Variants in RPH3A observed in about 807,000 individuals in gnomAD.
RPH3A encodes rabphilin 3A.
Under a neutral mutation model 102.2 loss-of-function variants are expected in RPH3A, and 48 were observed. The observed-to-expected ratio is 0.47, with a 90% CI of 0.37 to 0.60. RPH3A has a LOEUF of 0.60. Ranked by LOEUF, RPH3A falls within the 20% of genes least tolerant of loss-of-function variation. The probability of loss-of-function intolerance (pLI) is 0.00; values close to 1 mark genes in which losing one functional copy is unlikely to be tolerated. For synonymous variants in RPH3A, 310 were observed against 324.3 expected (o/e 0.96, Z 0.47); for missense variants, 781 against 910.1 (o/e 0.86, Z 1.83).
chr12:112,639,475 G>A (rs145883008), intron 1 of RPH3A, among the ~76,000 whole-genome samples: 2 of 152,118 alleles, frequency 1.3e-5, no homozygotes, highest in Non-Finnish European at 2.9e-5. Context: ...AAGGGATGGG[G>A]GTAACACTGG....
intron 1 of RPH3A, among the ~76,000 whole-genome samples, chr12:112,664,299 T>C (rs992617968): frequency 5.3e-5 from 8 of 151,920 alleles, no homozygotes; most frequent in Non-Finnish European, 8.8e-5. Context: ...GGAGTTAGGA[T>C]TATGTCATGA....
At chr12:112,789,055 G>C (rs1452633117), upstream of RPH3A, among the ~76,000 whole-genome samples, 1 of 152,182 alleles carries the variant, frequency 6.6e-6, no homozygotes, top group Non-Finnish European at 1.5e-5. Context: ...CTATTTGCAT[G>C]GTTGAGGCAT....
intron 1 of RPH3A, among the ~76,000 whole-genome samples, chr12:112,605,235 C>A (rs1445060946): frequency 1.3e-5 from 2 of 152,084 alleles, no homozygotes; most frequent in African/African-American, 4.8e-5. Context: ...ATTAGCCAGG[C>A]ATGGTGGCAC....
intron 1 of RPH3A, among the ~76,000 whole-genome samples, chr12:112,752,968 C>CTTTTTTTTTTTTTTTT (rs3037266): frequency 8.4e-6 from 1 of 118,934 alleles, no homozygotes; most frequent in Non-Finnish European, 1.7e-5. Flanking sequence ...GTCCAGTTTT[C>CTTTTTTTTTTTTTTTT]TTTTTTTTTT....
chr12:112,682,170 T>C (rs2040230537), intron 1 of RPH3A, among the ~76,000 whole-genome samples: 1 of 152,194 alleles, frequency 6.6e-6, no homozygotes, highest in Non-Finnish European at 1.5e-5. Context: ...GGATTTATTA[T>C]GGGAACTGGT....
chr12:112,896,840 C>T lies in RPH3A; in HGVS notation c.*60C>T. The T allele has an allele frequency of 6.3e-7, 1 of 1,595,488 alleles. No homozygotes were observed. Among genetic ancestry groups the T allele is most frequent in the Non-Finnish European group, 8.6e-7 (1 of 1,167,270 alleles). ...TCCCCCCCAGCCTGCTCTAGCTGCC[C>T]ACCGCACCCTGATCTCTCTTCTCTA... is the stretch of plus-strand genomic sequence containing the variant. On this transcript the variant is annotated 3_prime_UTR_variant, in exon 22 of 22. Transcript: ENST00000389385.
intron 1 of RPH3A, among the ~76,000 whole-genome samples, chr12:112,698,470 C>T (rs1346503291): frequency 1.3e-5 from 2 of 152,068 alleles, no homozygotes; most frequent in Non-Finnish European, 2.9e-5. Flanking sequence ...AAGCCACAGA[C>T]TTAAAGACTA....
chr12:112,875,028 C>T, intron 10 of RPH3A, 56 bp from the exon 11 acceptor site: 1 of 1,434,470 alleles, frequency 7.0e-7, no homozygotes, highest in Non-Finnish European at 9.6e-7. Context: ...AAGCTCCTTC[C>T]TGCTGTGTGT....
chr12:112,618,143 T>C (rs1012413461), intron 1 of RPH3A, among the ~76,000 whole-genome samples: 3 of 152,156 alleles, frequency 2.0e-5, no homozygotes, highest in Non-Finnish European at 4.4e-5. Flanking sequence ...ATTCATCCCA[T>C]GCACACAGCA....
chr12:112,588,003 A>G (rs1040217446), intron 1 of RPH3A, among the ~76,000 whole-genome samples: 7 of 152,196 alleles, frequency 4.6e-5, no homozygotes, highest in Non-Finnish European at 8.8e-5. Flanking sequence ...GGTGCCTTTC[A>G]CAGTTCTGTG....
intron 3 of RPH3A, chr12:112,831,856 A>C (rs1376187174): frequency 2.2e-6 from 1 of 455,744 alleles, no homozygotes; most frequent in Admixed American, 2.4e-5. Flanking sequence ...CCTTCCACGT[A>C]AGCCCTTCTT....
rs143420159 is a variant in RPH3A at position 112,849,376 on chromosome 12, T to A, written c.230+1534T>A. On this transcript the variant is annotated intron_variant, in intron 5 of 21. Coordinates refer to ENST00000389385, the MANE Select transcript of RPH3A (RefSeq NM_001143854.2). ...TTATTTTGCTTTGCTTTTTAAAAGATATTTCAGGAGTGGGAAGTTCTCCAG... is the reference window on the plus strand; with the variant it reads ...TTATTTTGCTTTGCTTTTTAAAAGAAATTTCAGGAGTGGGAAGTTCTCCAG... 8.0e-3 allele frequency among the ~76,000 whole-genome samples: 1,212 copies of A among 152,072 alleles called. 23 individuals are homozygous for A. The highest frequency in any genetic ancestry group is 0.027 in the African/African-American group (1,119 of 41,438).
At chr12:112,778,741 A>G (rs2040986427) in intron 1 of RPH3A, among the ~76,000 whole-genome samples, 1 of 152,200 alleles carries the variant, frequency 6.6e-6, no homozygotes, top group African/African-American at 2.4e-5. Flanking sequence ...CCAGGCTTAC[A>G]TTGTAGCAAC....
At chr12:112,865,681 T>G (rs2042600682) in intron 6 of RPH3A, 138 bp downstream of exon 6, 2 of 916,444 alleles carry the variant, frequency 2.2e-6, no homozygotes, top group Non-Finnish European at 3.1e-6. Flanking sequence ...ATGGTTTTTT[T>G]CTGGGATGCT....
At position 112,865,501 on chromosome 12, in the gene RPH3A, G is replaced by A. The variant is rs1392656039; in HGVS notation, c.318G>A (p.Gly106=). ...GCATACTGTGTGGAGAACAGCTGGGGATGCTGGGCTCTGCCTGTGTAGTAT... is the reference window on the plus strand; with the variant it reads ...GCATACTGTGTGGAGAACAGCTGGGAATGCTGGGCTCTGCCTGTGTAGTAT... ...NRCILCGEQL[G]MLGSACVVCE... Residue 106 remains glycine, a synonymous_variant, in exon 6 of 22, where the codon GGG becomes GGA. Coordinates refer to ENST00000389385, the MANE Select transcript of RPH3A (RefSeq NM_001143854.2). 4.3e-6 allele frequency: 7 copies of A among 1,614,040 alleles called. No individual in the cohort carries two copies. The highest frequency in any genetic ancestry group is 5.1e-6 in the Non-Finnish European group (6 of 1,179,996).
At chr12:112,873,244 G>T (rs997737004) in intron 10 of RPH3A, among the ~76,000 whole-genome samples, 10 of 152,170 alleles carry the variant, frequency 6.6e-5, no homozygotes, top group African/African-American at 2.2e-4. Flanking sequence ...GCTCTTTTTG[G>T]ATAGGTACTA....
intron 2 of RPH3A, among the ~76,000 whole-genome samples, chr12:112,794,629 A>G (rs2041192448): frequency 6.6e-6 from 1 of 152,202 alleles, no homozygotes; most frequent in South Asian, 2.1e-4. Context: ...TATACACACA[A>G]ACACACAACA....
chr12:112,884,805 T>C (rs972155470), intron 16 of RPH3A, among the ~76,000 whole-genome samples: 1 of 152,224 alleles, frequency 6.6e-6, no homozygotes, highest in African/African-American at 2.4e-5. Context: ...ATTTTCACAA[T>C]AGTGAACATA....
chr12:112,763,072 A>G (rs2040865119), intron 1 of RPH3A, among the ~76,000 whole-genome samples: 1 of 151,900 alleles, frequency 6.6e-6, no homozygotes, highest in Non-Finnish European at 1.5e-5. Flanking sequence ...CTAAGATGAA[A>G]CTCTGATGTC....
Sources: gnomAD v4.1 joint callset for allele counts (sites outside exome capture counted in the v4.1 genomes callset) on GRCh38, gnomAD v4.1.1 for gene constraint, MANE v1.5 for transcripts, NCBI Gene and HGNC (gene_info 2026-07-23, HGNC 2026-07-21) for gene names.